Variants in SOX6 observed in about 807,000 individuals in gnomAD.
SOX6 encodes SRY-box transcription factor 6, also known as transcription factor SOX-6.
Under a neutral mutation model 97.8 loss-of-function variants are expected in SOX6, and 11 were observed. The observed-to-expected ratio is 0.11, with a 90% CI of 0.07 to 0.19. SOX6 has a LOEUF of 0.19. Among genes scored for constraint, SOX6 ranks in the 10% least tolerant of loss-of-function variants. The probability of loss-of-function intolerance (pLI) is 1.00; values close to 1 mark genes in which losing one functional copy is unlikely to be tolerated. For synonymous variants in SOX6, 360 were observed against 371.4 expected, an observed-to-expected ratio of 0.97 and a Z score of 0.35; for missense variants, 810 against 1,039.5, an observed-to-expected ratio of 0.78 and a Z score of 3.04.
At chr11:16,386,433 A>G (rs887810210) in intron 1 of SOX6, among the ~76,000 whole-genome samples, 3 of 152,044 alleles carry the variant, frequency 2.0e-5, no homozygotes, top group Non-Finnish European at 2.9e-5. Context: ...TTATTTCCCC[A>G]TAACCTACAA....
At chr11:16,558,734 C>T (rs1847776654) in intron 4 of SOX6, among the ~76,000 whole-genome samples, 1 of 151,994 alleles carries the variant, frequency 6.6e-6, no homozygotes, top group Admixed American at 6.6e-5. Context: ...AAACCTAACC[C>T]TTATGAGCAA....
chr11:16,246,466 T>C (rs1408464201), intron 3 of SOX6, among the ~76,000 whole-genome samples: 1 of 151,922 alleles, frequency 6.6e-6, no homozygotes, highest in African/African-American at 2.4e-5. Context: ...CTTTTATTTT[T>C]CTTTAATGTC....
chr11:16,569,951 T>G (rs1847919947), intron 4 of SOX6, among the ~76,000 whole-genome samples: 1 of 151,100 alleles, frequency 6.6e-6, no homozygotes. Flanking sequence ...TGCCTTTCCT[T>G]CATAATTATA....
At chr11:16,006,141 T>C (rs1470425132) in intron 13 of SOX6, among the ~76,000 whole-genome samples, 1 of 152,010 alleles carries the variant, frequency 6.6e-6, no homozygotes, top group African/African-American at 2.4e-5. Context: ...CCTGCTAAGC[T>C]TTCTCATGTT....
At chr11:16,504,021 C>G (rs1356312589) in intron 4 of SOX6, among the ~76,000 whole-genome samples, 7 of 151,106 alleles carry the variant, frequency 4.6e-5, no homozygotes, top group Non-Finnish European at 1.0e-4. Flanking sequence ...CCAGCCTGGG[C>G]AACAGAGTGA....
At chr11:16,159,629 T>C (rs1283582036) in intron 6 of SOX6, among the ~76,000 whole-genome samples, 1 of 152,142 alleles carries the variant, frequency 6.6e-6, no homozygotes, top group Non-Finnish European at 1.5e-5. Context: ...CTAATAACTA[T>C]GCACACAACT....
intron 9 of SOX6, among the ~76,000 whole-genome samples, chr11:16,089,252 T>C (rs1234819942): frequency 1.3e-5 from 2 of 152,166 alleles, no homozygotes; most frequent in East Asian, 3.8e-4. Context: ...ATGCATTGAA[T>C]GGATATCAGT....
chr11:16,084,758 G>A (rs1400141946), intron 9 of SOX6, among the ~76,000 whole-genome samples: 1 of 152,144 alleles, frequency 6.6e-6, no homozygotes, highest in Non-Finnish European at 1.5e-5. Context: ...TCAATAAATG[G>A]CTACAAATCA....
chr11:16,085,394 G>A (rs1848556282), intron 9 of SOX6, among the ~76,000 whole-genome samples: 1 of 152,072 alleles, frequency 6.6e-6, no homozygotes, highest in African/African-American at 2.4e-5. Context: ...TTCTTATAGA[G>A]TTTTTAAACT....
intron 12 of SOX6, among the ~76,000 whole-genome samples, chr11:16,029,716 G>C (rs1442242239): frequency 1.3e-5 from 2 of 151,948 alleles, no homozygotes; most frequent in Admixed American, 1.3e-4. Flanking sequence ...GAAAAAGGCA[G>C]TTGTTCATAG....
intron 1 of SOX6, among the ~76,000 whole-genome samples, chr11:16,351,677 C>A (rs1590149837): frequency 1.3e-5 from 2 of 152,090 alleles, no homozygotes; most frequent in African/African-American, 4.8e-5. Context: ...CTGTCTCTCC[C>A]TATTTTCCTC....
chr11:16,063,852 T>C (rs1049908431), intron 9 of SOX6, among the ~76,000 whole-genome samples: 10 of 151,438 alleles, frequency 6.6e-5, no homozygotes, highest in Non-Finnish European at 1.2e-4. Context: ...TTTAAGCCTG[T>C]ATTCTTTCTG....
At chr11:16,182,085 C>T (rs1287961680) in intron 6 of SOX6, among the ~76,000 whole-genome samples, 2 of 151,706 alleles carry the variant, frequency 1.3e-5, no homozygotes, top group Non-Finnish European at 3.0e-5. Context: ...TTATACTACA[C>T]AATCATATAT....
At chr11:16,077,555 C>A (rs1426674943) in intron 9 of SOX6, among the ~76,000 whole-genome samples, 1 of 152,072 alleles carries the variant, frequency 6.6e-6, no homozygotes, top group South Asian at 2.1e-4. Context: ...ATGGAATCAA[C>A]CTAAATGCCC....
At chr11:16,686,155 GC>G (rs1369511897) in intron 3 of SOX6, among the ~76,000 whole-genome samples, 1 of 152,238 alleles carries the variant, frequency 6.6e-6, no homozygotes, top group East Asian at 1.9e-4. Flanking sequence ...TCTCTGAAAT[GC>G]CTTCAAGGCC....
chr11:16,289,049 T>C (rs1329872595), intron 3 of SOX6, among the ~76,000 whole-genome samples: 1 of 151,768 alleles, frequency 6.6e-6, no homozygotes, highest in Admixed American at 6.6e-5. Context: ...TTAATGAATT[T>C]ATTGAGAAAA....
Position 16,055,853 on chromosome 11 carries a change from T to C in SOX6, c.1150A>G (p.Lys384Glu). 6.2e-7 allele frequency: 1 copy of C among 1,613,816 alleles called. No homozygotes were observed. The highest frequency in any genetic ancestry group is 8.5e-7 in the Non-Finnish European group (1 of 1,179,832). Residue 384 changes from lysine to glutamate, a missense_variant, in exon 10 of 16, where the codon AAG (lysine) becomes GAG (glutamate). Around this residue, in one of 9 missense-constraint regions of SOX6, gnomAD observed 244 missense variants for 261.0 expected, o/e 0.93. Transcript: ENST00000683767. ...LASMQVSPGAKMPSTPQPPNT... is the reference protein window; with the variant it reads ...LASMQVSPGAEMPSTPQPPNT... Reference sequence around the variant, plus strand: ...GGTGGCTGTGGAGTTGATGGCATCTTTGCTCCAGGTGACACCTGCATGCTG... The same window carrying C: ...GGTGGCTGTGGAGTTGATGGCATCTCTGCTCCAGGTGACACCTGCATGCTG...
At chr11:16,343,225 T>C (rs143357849) in intron 1 of SOX6, among the ~76,000 whole-genome samples, 2 of 152,044 alleles carry the variant, frequency 1.3e-5, no homozygotes, top group Non-Finnish European at 2.9e-5. Context: ...ACAAGGGTGA[T>C]TTCCTATTTC....
chr11:16,182,081 T>C (rs983019454), intron 6 of SOX6, among the ~76,000 whole-genome samples: 15 of 151,938 alleles, frequency 9.9e-5, no homozygotes, highest in African/African-American at 3.4e-4. Flanking sequence ...CAATTTATAC[T>C]ACACAATCAT....
Sources: gnomAD v4.1 joint callset for allele counts (sites outside exome capture counted in the v4.1 genomes callset) on GRCh38, gnomAD v4.1.1 for gene constraint, gnomAD v4.1.1 regional missense constraint, MANE v1.5 for transcripts, NCBI Gene and HGNC (gene_info 2026-07-23, HGNC 2026-07-21) for gene names.